The following DLGAP2 variants were observed in gnomAD, a reference collection of about 807,000 sequenced individuals.
DLGAP2 encodes DLG associated protein 2.
Under a neutral mutation model 100.3 loss-of-function variants are expected in DLGAP2, and 26 were observed. The observed-to-expected ratio is 0.26, with a 90% CI of 0.19 to 0.36. The LOEUF (loss-of-function observed/expected upper bound fraction) is 0.36. Ranked by LOEUF, DLGAP2 falls within the 10% of genes least tolerant of loss-of-function variation. The pLI, the probability that DLGAP2 is intolerant of heterozygous loss-of-function variation, is 1.00. For missense variants in DLGAP2, 1,858 were observed against 1,453.2 expected (o/e 1.28, Z -4.53); for synonymous variants, 886 against 630.1 (o/e 1.41, Z -6.08).
At chr8:1,565,924 A>G (rs1210824720) in intron 6 of DLGAP2, 30 bp downstream of exon 6, 13 of 1,550,916 alleles carry the variant, frequency 8.4e-6, no homozygotes, top group Admixed American at 3.9e-5. Flanking sequence ...TTCCCACTCC[A>G]AGCACTTTCC....
chr8:1,466,599 G>C (rs1421403567), intron 3 of DLGAP2, among the ~76,000 whole-genome samples: 1 of 151,986 alleles, frequency 6.6e-6, no homozygotes, highest in Admixed American at 6.6e-5. Context: ...GTACTTTCCA[G>C]AACTCTCAGG....
chr8:1,384,880 G>C (rs1796180824), intron 3 of DLGAP2, among the ~76,000 whole-genome samples: 1 of 24,070 alleles, frequency 4.2e-5, no homozygotes, highest in African/African-American at 1.6e-4. Flanking sequence ...AGTTACCCCG[G>C]TCTGTGCCCG....
chr8:960,563 C>A (rs1413089669), intron 2 of DLGAP2, among the ~76,000 whole-genome samples: 2 of 152,122 alleles, frequency 1.3e-5, no homozygotes, highest in African/African-American at 4.8e-5. Context: ...GATCGTAAAT[C>A]TCCCTAATGA....
intron 2 of DLGAP2, among the ~76,000 whole-genome samples, chr8:993,613 G>A (rs12675606): frequency 2.0e-5 from 3 of 152,022 alleles, no homozygotes; most frequent in Non-Finnish European, 4.4e-5. Context: ...CTGATGCCTG[G>A]TGTGTATCCT....
intron 3 of DLGAP2, among the ~76,000 whole-genome samples, chr8:1,422,015 G>A (rs1437773570): frequency 6.6e-6 from 1 of 151,918 alleles, no homozygotes; most frequent in Non-Finnish European, 1.5e-5. Flanking sequence ...AAAACAGTTA[G>A]CAATCATAAT....
chr8:1,318,583 C>T (rs925598763), intron 3 of DLGAP2, among the ~76,000 whole-genome samples: 1 of 151,538 alleles, frequency 6.6e-6, no homozygotes, highest in Non-Finnish European at 1.5e-5. Flanking sequence ...AGTTTATCAC[C>T]TAGGGGAACA....
Position 1,211,666 on chromosome 8 carries a change from G to A in DLGAP2, c.74-47185G>A, listed in dbSNP as rs190230986. On this transcript the variant is annotated intron_variant, in intron 2 of 14. Transcript: ENST00000637795. ...CAAGGTGGGTGGATCACCTGAGGTC[G>A]GGAGTTCGAGACCAGCCTGACCAAC... Among the ~76,000 whole-genome samples, 334 of 152,140 alleles carry A rather than the reference G, an allele frequency of 2.2e-3. 7 individuals carry two copies. The highest frequency in any genetic ancestry group is 0.019 in the Admixed American group (297 of 15,278).
intron 6 of DLGAP2, among the ~76,000 whole-genome samples, chr8:1,586,027 A>G (rs1443442367): frequency 6.6e-6 from 1 of 152,164 alleles, no homozygotes; most frequent in East Asian, 1.9e-4. Flanking sequence ...TCTCCCAAAT[A>G]TTTTGTTAGT....
At chr8:875,980 C>T (rs1797681670) in intron 1 of DLGAP2, among the ~76,000 whole-genome samples, 1 of 152,150 alleles carries the variant, frequency 6.6e-6, no homozygotes, top group African/African-American at 2.4e-5. Flanking sequence ...GCAAACGCAA[C>T]AGCACATTGT....
intron 8 of DLGAP2, among the ~76,000 whole-genome samples, chr8:1,657,920 G>A (rs1324625285): frequency 6.6e-6 from 1 of 152,138 alleles, no homozygotes; most frequent in Non-Finnish European, 1.5e-5. Flanking sequence ...TTTAGGGGGC[G>A]AAAAGTTTAA....
chr8:850,615 T>C (rs1797167498), intron 1 of DLGAP2, among the ~76,000 whole-genome samples: 1 of 152,188 alleles, frequency 6.6e-6, no homozygotes, highest in Admixed American at 6.5e-5. Flanking sequence ...CCCAATTAAA[T>C]GTTGGCATGC....
intron 3 of DLGAP2, among the ~76,000 whole-genome samples, chr8:1,345,787 G>A (rs1328473061): frequency 6.6e-6 from 1 of 152,236 alleles, no homozygotes; most frequent in Non-Finnish European, 1.5e-5. Flanking sequence ...TTTGATCAGT[G>A]TAATGATGCT....
At chr8:1,666,203 A>G (rs1798540003) in intron 8 of DLGAP2, among the ~76,000 whole-genome samples, 1 of 152,224 alleles carries the variant, frequency 6.6e-6, no homozygotes, top group Non-Finnish European at 1.5e-5. Flanking sequence ...AATTTTGCTT[A>G]AGGCATTGAT....
intron 2 of DLGAP2, among the ~76,000 whole-genome samples, chr8:1,033,746 A>G (rs376689490): frequency 0.02 from 1,259 of 62,350 alleles, 7 homozygotes; most frequent in African/African-American, 0.052. Flanking sequence ...GGGTTCACAC[A>G]CTCATCCCGA....
chr8:1,332,485 G>A lies in DLGAP2; in HGVS notation c.106+73602G>A, dbSNP rs193262534. The stretch of plus-strand genomic sequence containing the variant: ...AGTATATGCATGTGTGTGTGTGAGC[G>A]TAGATACATCTGTGTACTCATATCT... On this transcript the variant is annotated intron_variant, in intron 3 of 14. Coordinates refer to ENST00000637795, the MANE Select transcript of DLGAP2 (RefSeq NM_001346810.2). Among the ~76,000 whole-genome samples the A allele has an allele frequency of 1.9e-3, 294 of 152,062 alleles. 3 individuals are homozygous for A. Among genetic ancestry groups the A allele is most frequent in the Non-Finnish European group, 3.4e-3 (228 of 68,000 alleles).
intron 3 of DLGAP2, among the ~76,000 whole-genome samples, chr8:1,410,162 A>G (rs1473940007): frequency 1.3e-5 from 2 of 152,132 alleles, no homozygotes; most frequent in East Asian, 3.9e-4. Context: ...CATGCCCTCG[A>G]TCTGCTGAGG....
chr8:1,630,912 G>GGCGGGAGGTCCCAGTGTCCCGAGGGTCTC (rs1797625820), intron 7 of DLGAP2, among the ~76,000 whole-genome samples: 1 of 136,592 alleles, frequency 7.3e-6, no homozygotes, highest in East Asian at 2.1e-4. Context: ...CCGAGGGTCT[G>GGCGGGAGGTCCCAGTGTCCCGAGGGTCTC]GGCGGGAGGT....
intron 1 of DLGAP2, among the ~76,000 whole-genome samples, chr8:900,710 C>T (rs1798235583): frequency 6.6e-6 from 1 of 152,120 alleles, no homozygotes; most frequent in South Asian, 2.1e-4. Context: ...CCGAAAGGAG[C>T]ATTTGTAGAG....
chr8:1,256,769 C>T (rs1026641149), intron 2 of DLGAP2, among the ~76,000 whole-genome samples: 3 of 152,158 alleles, frequency 2.0e-5, no homozygotes, highest in Non-Finnish European at 4.4e-5. Context: ...GTGGTGCCTG[C>T]GTTTCCAGGT....
Sources: allele counts gnomAD v4.1 joint callset (sites outside exome capture counted in the v4.1 genomes callset), GRCh38; gene constraint gnomAD v4.1.1; transcripts MANE v1.5; gene names NCBI Gene and HGNC (gene_info 2026-07-23, HGNC 2026-07-21).